Variants in XAB2 observed in about 807,000 individuals in gnomAD.
The protein encoded by XAB2 is pre-mRNA-splicing factor SYF1.
In XAB2, 57 loss-of-function variants were observed where a neutral mutation model predicts 113.4. The observed-to-expected ratio is 0.50, with a 90% CI of 0.41 to 0.63. The LOEUF is 0.63. Ranked by LOEUF, XAB2 falls within the 20% of genes least tolerant of loss-of-function variation. The probability of loss-of-function intolerance (pLI) is 0.00; values close to 1 mark genes in which losing one functional copy is unlikely to be tolerated. For synonymous variants in XAB2, 497 were observed against 498.8 expected (o/e 1.00, Z 0.05); for missense variants, 1,037 against 1,233.3 (o/e 0.84, Z 2.38).
At position 7,624,858 on chromosome 19, in the gene XAB2, T is replaced by C. The variant is rs2031106580; in HGVS notation, c.823-413A>G. 1.3e-5 allele frequency among the ~76,000 whole-genome samples: 2 copies of C among 152,190 alleles called. No homozygotes were observed. Among genetic ancestry groups the C allele is most frequent in the Admixed American group, 1.3e-4 (2 of 15,282 alleles). ...CTCCAAAGCGTCCCTCTCGCTTGCC[T>C]GACCCTCTTCCCCAGCCCGCCTGTC... On this transcript the variant is annotated intron_variant, in intron 6 of 18. Coordinates refer to ENST00000358368, the MANE Select transcript of XAB2 (RefSeq NM_020196.3). This position sits in a 1 kb window ranked among gnomAD's most constrained non-coding sequence, Gnocchi z 4.2.
intron 12 of XAB2, 103 bp downstream of exon 12, chr19:7,622,228 G>T: frequency 9.1e-7 from 1 of 1,100,434 alleles, no homozygotes; most frequent in Non-Finnish European, 1.4e-6. Context: ...CACCCAGTCT[G>T]TATACTGTGT....
chr19:7,622,424 G>T lies in XAB2; in HGVS notation c.1524C>A (p.Asp508Glu). The T allele has an allele frequency of 1.9e-6, 3 of 1,614,184 alleles. No individual in the cohort carries two copies. Among genetic ancestry groups the T allele is most frequent in the Non-Finnish European group, 2.5e-6 (3 of 1,180,036 alleles). ...GTFQSTKAVY[D>E]RILDLRIATP... ...TTGCGATACGCAGGTCCAGGATGCGGTCGTACACGGCCTTGGTGGACTGCA... is the reference window on the plus strand; with the variant it reads ...TTGCGATACGCAGGTCCAGGATGCGTTCGTACACGGCCTTGGTGGACTGCA... The change falls in exon 12 of 19, where the codon GAC becomes GAA. Residue 508 changes from aspartate (D) to glutamate (E), a missense_variant. Transcript: ENST00000358368.
At position 7,627,654 on chromosome 19, in the gene XAB2, C is replaced by T. The variant is rs965268032; in HGVS notation, c.324+74G>A. 11 of 1,587,284 alleles carry T rather than the reference C, an allele frequency of 6.9e-6. No individual in the cohort carries two copies. The highest frequency in any genetic ancestry group is 9.5e-6 in the Non-Finnish European group (11 of 1,162,738). Reference sequence around the variant, plus strand: ...CCCATCCCTAACATGCTGAGCCCAGCCCCTGTCCCCGCCCCACCCACCACC... The same window carrying T: ...CCCATCCCTAACATGCTGAGCCCAGTCCCTGTCCCCGCCCCACCCACCACC... On this transcript the variant is annotated intron_variant, in intron 3 of 18. Coordinates refer to ENST00000358368, the MANE Select transcript of XAB2 (RefSeq NM_020196.3). The surrounding 1 kb of genome is among the most constrained non-coding windows in gnomAD (Gnocchi z 4.5).
chr19:7,620,473 G>C (rs1375339334), intron 15 of XAB2, 27 bp from the exon 16 acceptor site: 1 of 1,608,214 alleles, frequency 6.2e-7, no homozygotes, highest in South Asian at 1.1e-5. Context: ...GCAGGGGTGG[G>C]TGTGTGTGCC....
chr19:7,627,196 C>G lies in XAB2; in HGVS notation c.522+47G>C. The G allele has an allele frequency of 6.3e-7, 1 of 1,599,950 alleles. No individual in the cohort carries two copies. Among genetic ancestry groups the G allele is most frequent in the South Asian group, 1.1e-5 (1 of 90,826 alleles). ...CGCGGAGCTAGTGTCACAGTGAGGC[C>G]GTTTCTGGAAACTAACCTGGGGAAC... On this transcript the variant is annotated intron_variant, in intron 4 of 18. Transcript: ENST00000358368. The surrounding 1 kb of genome is among the most constrained non-coding windows in gnomAD (Gnocchi z 4.5).
chr19:7,620,621 T>C lies in XAB2; in HGVS notation c.2020A>G (p.Met674Val). The C allele has an allele frequency of 6.2e-7, 1 of 1,613,234 alleles. No homozygotes were observed. The highest frequency in any genetic ancestry group is 8.5e-7 in the Non-Finnish European group (1 of 1,179,948). The change falls in exon 15 of 19, where the codon ATG (methionine) becomes GTG (valine). Residue 674 changes from methionine to valine, a missense_variant. By Grantham distance (21) the Met-to-Val change is conservative (BLOSUM62 1). Transcript: ENST00000358368. ...TCAATCTCCCCGAGCTTGCACTCCA[T>C]GTCTGCAAACCGCAGGCACATCTCA... Reference protein sequence around the residue: ...AREMCLRFADMECKLGEIDRA... With the variant: ...AREMCLRFADVECKLGEIDRA...
At chr19:7,629,337 G>C in intron 1 of XAB2, 140 bp downstream of exon 1, 1 of 980,286 alleles carries the variant, frequency 1.0e-6, no homozygotes, top group Non-Finnish European at 1.5e-6. Context: ...TGACGATCCG[G>C]TCTCTGGCCC....
At position 7,622,374 on chromosome 19, in the gene XAB2, G is replaced by A; in HGVS notation, c.1574C>T (p.Ala525Val). The part of the protein sequence containing the change: ...IATPQIVINY[A>V]MFLEEHKYFE... ...GTACTTGTGCTCCTCCAGGAACATG[G>A]CATAGTTGATGACGATCTGGGGTGT... Residue 525 changes from alanine (A) to valine (V), a missense_variant, in exon 12 of 19, where the codon GCC (alanine) becomes GTC (valine). Physicochemically the swap from Ala to Val is moderately conservative, Grantham distance 64. Transcript: ENST00000358368. The A allele has an allele frequency of 6.2e-7, 1 of 1,614,206 alleles. No individual in the cohort carries two copies. Among genetic ancestry groups the A allele is most frequent in the Non-Finnish European group, 8.5e-7 (1 of 1,180,042 alleles).
Position 7,622,884 on chromosome 19 carries a change from T to C in XAB2, c.1249A>G (p.Ile417Val), listed in dbSNP as rs2146185736. The change falls in exon 10 of 19, where the codon ATC becomes GTC. Residue 417 changes from isoleucine to valine, a missense_variant. Ile to Val is a conservative substitution (Grantham distance 29, BLOSUM62 3). Transcript: ENST00000358368. Reference sequence around the variant, plus strand: ...TTCACCTTGGTGGCCTTCTCCAGGATGACACGGGCCTGCCGGGGCGGGCAG... The same window carrying C: ...TTCACCTTGGTGGCCTTCTCCAGGACGACACGGGCCTGCCGGGGCGGGCAG... ...DNGQLDDARV[I>V]LEKATKVNFK... is the part of the protein sequence containing the mutation. The C allele has an allele frequency of 6.2e-7, 1 of 1,613,636 alleles. No individual in the cohort carries two copies. The highest frequency in any genetic ancestry group is 1.1e-5 in the South Asian group (1 of 91,014).
rs1735596478 is a variant in XAB2, at chr19:7,628,526, A to T, written c.52-228T>A. ...ATTCAACTACCCAAAATCGAACCCAAATCATCAGACTTCTCAGTCATTAGG... is the reference window on the plus strand; with the variant it reads ...ATTCAACTACCCAAAATCGAACCCATATCATCAGACTTCTCAGTCATTAGG... On this transcript the variant is annotated intron_variant, in intron 1 of 18. Transcript: ENST00000358368. The surrounding 1 kb of genome is among the most constrained non-coding windows in gnomAD (Gnocchi z 4.6). 6.6e-6 allele frequency among the ~76,000 whole-genome samples: 1 copy of T among 151,992 alleles called. No homozygotes were observed. The highest frequency in any genetic ancestry group is 2.4e-5 in the African/African-American group (1 of 41,366).
Position 7,627,949 on chromosome 19 carries a change from T to C in XAB2, c.201-98A>G. 1 of 1,548,496 alleles carries C rather than the reference T, an allele frequency of 6.5e-7. No homozygotes were observed. Among genetic ancestry groups the C allele is most frequent in the Non-Finnish European group, 8.7e-7 (1 of 1,143,814 alleles). On this transcript the variant is annotated intron_variant, in intron 2 of 18. Coordinates refer to ENST00000358368, the MANE Select transcript of XAB2 (RefSeq NM_020196.3). This position sits in a 1 kb window ranked among gnomAD's most constrained non-coding sequence, Gnocchi z 4.5. ...AGTTGGCAAATGTGGGAAGAAGGGG[T>C]GTGGGAGGGGTGACATGTCTCAGCA...
In XAB2 at chr19:7,624,060, C is replaced by A. The variant is rs958139280; in HGVS notation, c.968-178G>T. On this transcript the variant is annotated intron_variant, in intron 7 of 18. Transcript: ENST00000358368. This position sits in a 1 kb window ranked among gnomAD's most constrained non-coding sequence, Gnocchi z 4.2. ...CCCCCAGCCCCAGGTACTGTGGATACCCCCTCCTACCCCCACTGTTCCCCT... is the reference window on the plus strand; with the variant it reads ...CCCCCAGCCCCAGGTACTGTGGATAACCCCTCCTACCCCCACTGTTCCCCT... 7.2e-6 allele frequency among the ~76,000 whole-genome samples: 1 copy of A among 139,138 alleles called. No homozygotes were observed. Among genetic ancestry groups the A allele is most frequent in the African/African-American group, 2.7e-5 (1 of 36,730 alleles). The allele number at this position is 139,138 out of a possible 152,430, so 91.3% of individuals were successfully genotyped here.
Position 7,626,110 on chromosome 19 carries a change from C to A in XAB2, c.657+26G>T, listed in dbSNP as rs1175021568. ...TCATGGAGGGGGTGGCCCTCCCACC[C>A]AGTTGCCGGCTCCCGGCAGGCCCAC... On this transcript the variant is annotated intron_variant, in intron 5 of 18. Transcript: ENST00000358368. 1.9e-6 allele frequency: 3 copies of A among 1,612,770 alleles called. No individual in the cohort carries two copies. The African/African-American group carries it at 4.0e-5, about 22-fold the overall frequency.
Position 7,624,619 on chromosome 19 carries a change from G to A in XAB2, c.823-174C>T, listed in dbSNP as rs377445131. On this transcript the variant is annotated intron_variant, in intron 6 of 18. Transcript: ENST00000358368. This position sits in a 1 kb window ranked among gnomAD's most constrained non-coding sequence, Gnocchi z 4.2. ...GCCTCCGTGGAGCCTTCTCACCCCC[G>A]CCCTGCCCTGCACTGCCAGGGTGGT... Among the ~76,000 whole-genome samples the A allele has an allele frequency of 3.9e-5, 6 of 152,126 alleles. No homozygotes were observed. The South Asian group carries it at 6.2e-4, about 16-fold the overall frequency.
At chr19:7,620,475 G>A in intron 15 of XAB2, 29 bp from the exon 16 acceptor site, 7 of 1,608,242 alleles carry the variant, frequency 4.4e-6, no homozygotes, top group Non-Finnish European at 5.9e-6. Flanking sequence ...AGGGGTGGGT[G>A]TGTGTGCCCG....
chr19:7,622,162 G>C, intron 12 of XAB2, 169 bp downstream of exon 12: 4 of 654,348 alleles, frequency 6.1e-6, no homozygotes, highest in South Asian at 5.6e-5. Context: ...CCCATGCCTC[G>C]ATCCTGGACT....
In XAB2 at chr19:7,627,912, T is replaced by G. The variant is rs1016005021; in HGVS notation, c.201-61A>C. 1 of 1,579,926 alleles carries G rather than the reference T, an allele frequency of 6.3e-7. No homozygotes were observed. The highest frequency in any genetic ancestry group is 2.3e-5 in the East Asian group (1 of 44,284). ...GCTTTATGGACACCCCCAGAACCAT[T>G]TGCCCTGCCCCAGTTGGCAAATGTG... On this transcript the variant is annotated intron_variant, in intron 2 of 18. Coordinates refer to ENST00000358368, the MANE Select transcript of XAB2 (RefSeq NM_020196.3). The surrounding 1 kb of genome is among the most constrained non-coding windows in gnomAD (Gnocchi z 4.5).
chr19:7,621,205 G>C lies in XAB2; in HGVS notation c.1710C>G (p.Gly570=), dbSNP rs780795917. ...GGTCCCGTGCCCGCTCCAGCTTGCG[G>C]CCCCCATAGCGGGCAATGAATTTGG... is the stretch of plus-strand genomic sequence containing the variant. The part of the protein sequence containing the change: ...YLTKFIARYG[G]RKLERARDLF... Residue 570 remains glycine, a synonymous_variant, in exon 13 of 19, where the codon GGC becomes GGG. Coordinates refer to ENST00000358368, the MANE Select transcript of XAB2 (RefSeq NM_020196.3). The C allele has an allele frequency of 6.8e-6, 11 of 1,613,136 alleles. No individual in the cohort carries two copies. The South Asian group carries it at 1.1e-4, about 16-fold the overall frequency.
At chr19:7,622,983 C>T in intron 9 of XAB2, 90 bp from the exon 10 acceptor site, 5 of 1,561,178 alleles carry the variant, frequency 3.2e-6, no homozygotes, top group Non-Finnish European at 4.3e-6. Flanking sequence ...TGCTCACAAA[C>T]ATACAGGCAC....
Sources: gnomAD v4.1 joint callset for allele counts (sites outside exome capture counted in the v4.1 genomes callset) on GRCh38, gnomAD v4.1.1 for gene constraint, Gnocchi (gnomAD v3.1) non-coding constraint, MANE v1.5 for transcripts, NCBI Gene and HGNC (gene_info 2026-07-23, HGNC 2026-07-21) for gene names.